Variants in GRAMD1B observed in about 807,000 individuals in gnomAD.
GRAMD1B encodes the protein protein Aster-B.
Under a neutral mutation model 99.7 loss-of-function variants are expected in GRAMD1B, and 37 were observed. That is an observed-to-expected ratio of 0.37 (90% CI 0.29 to 0.49). GRAMD1B has a LOEUF of 0.49. Ranked by LOEUF, GRAMD1B falls within the 20% of genes least tolerant of loss-of-function variation. The pLI, the probability that GRAMD1B is intolerant of heterozygous loss-of-function variation, is 0.98. For synonymous variants in GRAMD1B, 427 were observed against 387.6 expected (o/e 1.10, Z -1.19); for missense variants, 888 against 1,009.2 (o/e 0.88, Z 1.63).
chr11:123,445,909 T>G (rs1949622963), intron 1 of GRAMD1B, among the ~76,000 whole-genome samples: 1 of 152,112 alleles, frequency 6.6e-6, no homozygotes, highest in South Asian at 2.1e-4. Context: ...TATATCTTTT[T>G]ATGTTTTCAA....
At chr11:123,566,890 C>A (rs1947446723) in intron 2 of GRAMD1B, among the ~76,000 whole-genome samples, 1 of 152,188 alleles carries the variant, frequency 6.6e-6, no homozygotes, top group Non-Finnish European at 1.5e-5. Context: ...AGACGTGGCC[C>A]CAGCCCCCAT....
In GRAMD1B at chr11:123,479,387, A is replaced by G. The variant is rs1403730504; in HGVS notation, c.375-1429A>G. On this transcript the variant is annotated intron_variant, in intron 1 of 19. Coordinates refer to ENST00000635736, the MANE Select transcript of GRAMD1B (RefSeq NM_001387025.1). ...CACTGGAGCAAGCACTTGCTCGGCA[A>G]GATTGTCCAGTGTGCATTCTACTGG... Among the ~76,000 whole-genome samples, 7 of 152,330 alleles carry G rather than the reference A, an allele frequency of 4.6e-5. No individual in the cohort carries two copies. In the East Asian group the frequency reaches 9.6e-4, roughly 21 times the overall value.
rs537947496 is a variant in GRAMD1B at position 123,369,538 on chromosome 11, G to T, written c.-176+10739G>T. Among the ~76,000 whole-genome samples the T allele has an allele frequency of 4.6e-5, 7 of 152,130 alleles. No homozygotes were observed. In the East Asian group the frequency reaches 1.4e-3, roughly 29 times the overall value. On this transcript the variant is annotated intron_variant, in intron 1 of 20. Coordinates refer to the GRAMD1B transcript ENST00000638157. ...ATGGTCCGCCAAGCACTGGGGCTAG[G>T]TATTTTACATTTATCAATTTATTTA...
At chr11:123,603,121 A>T (rs549426964) in intron 8 of GRAMD1B, among the ~76,000 whole-genome samples, 1 of 152,314 alleles carries the variant, frequency 6.6e-6, no homozygotes, top group South Asian at 2.1e-4. Flanking sequence ...CCTTTTCCAT[A>T]AGAGCAAAAG....
chr11:123,488,386 G>A (rs1480313564), intron 2 of GRAMD1B, among the ~76,000 whole-genome samples: 7 of 152,260 alleles, frequency 4.6e-5, no homozygotes, highest in Non-Finnish European at 8.8e-5. Flanking sequence ...ACCTCCCCCC[G>A]GAGCTCTCCA....
At chr11:123,605,561 G>A in intron 10 of GRAMD1B, 83 bp downstream of exon 10, 1 of 1,117,706 alleles carries the variant, frequency 8.9e-7, no homozygotes, top group Non-Finnish European at 1.3e-6. Context: ...CCCAATCTGG[G>A]GAGCAGGTAG....
rs765394893 is a variant in GRAMD1B at position 123,577,442 on chromosome 11, G to T, written c.528G>T (p.Pro176=). The part of the protein sequence containing the change: ...ILRKRSRSPT[P]QNQDGDTMVE... ...GGAAGCGGTCTCGCTCGCCAACCCC[G>T]CAGAACCAGGACGGAGACACCATGG... The change falls in exon 3 of 20, where the codon CCG becomes CCT. Residue 176 remains proline (P), a synonymous_variant. Coordinates refer to ENST00000635736, the MANE Select transcript of GRAMD1B (RefSeq NM_001387025.1). The T allele has an allele frequency of 6.2e-7, 1 of 1,602,590 alleles. No homozygotes were observed. Among genetic ancestry groups the T allele is most frequent in the Non-Finnish European group, 8.5e-7 (1 of 1,174,890 alleles).
chr11:123,417,314 G>C (rs917555004), intron 1 of GRAMD1B, among the ~76,000 whole-genome samples: 1 of 152,128 alleles, frequency 6.6e-6, no homozygotes, highest in African/African-American at 2.4e-5. Context: ...CAGAGGTTGC[G>C]GTGAGCTGAG....
intron 2 of GRAMD1B, among the ~76,000 whole-genome samples, chr11:123,500,114 G>GGTCAGGA (rs1939708704): frequency 1.3e-5 from 2 of 152,092 alleles, no homozygotes; most frequent in South Asian, 4.1e-4. Context: ...GATCACTTGA[G>GGTCAGGA]GTTCGAGACT....
chr11:123,414,690 G>C (rs1711895458), intron 1 of GRAMD1B, among the ~76,000 whole-genome samples: 1 of 152,108 alleles, frequency 6.6e-6, no homozygotes, highest in South Asian at 2.1e-4. Flanking sequence ...CTCTACCCAT[G>C]AGAATGTTTG....
rs79077678 is a variant in GRAMD1B, at chr11:123,619,463, A to T, written c.2544+239A>T. On this transcript the variant is annotated intron_variant, in intron 19 of 19. Transcript: ENST00000635736. ...ATGACCCACTGAATTTGCACCAGGA[A>T]AGCTGTAGTTTAGGTGGAAGGAGAA... 3.5e-3 allele frequency: 4,594 copies of T among 1,309,846 alleles called. 135 individuals carry two copies. In the African/African-American group the frequency reaches 0.062, roughly 18 times the overall value. 81.1% of individuals were successfully genotyped at this position (1,309,846 alleles called of 1,614,324 possible).
chr11:123,475,776 A>G lies in GRAMD1B; in HGVS notation c.375-5040A>G, dbSNP rs192516602. On this transcript the variant is annotated intron_variant, in intron 1 of 19. Coordinates refer to ENST00000635736, the MANE Select transcript of GRAMD1B (RefSeq NM_001387025.1). Reference sequence around the variant, plus strand: ...GAATCCCAGAGTGGACGCAGACTGGATGTCTTCTCCCACTAAGGCCTTGAC... The same window carrying G: ...GAATCCCAGAGTGGACGCAGACTGGGTGTCTTCTCCCACTAAGGCCTTGAC... 3.7e-3 allele frequency among the ~76,000 whole-genome samples: 559 copies of G among 152,274 alleles called. 1 individual carries two copies. Among genetic ancestry groups the G allele is most frequent in the Middle Eastern group, 0.014 (4 of 294 alleles).
intron 2 of GRAMD1B, among the ~76,000 whole-genome samples, chr11:123,520,592 G>A (rs1025352174): frequency 9.9e-5 from 15 of 151,802 alleles, no homozygotes; most frequent in African/African-American, 2.2e-4. Flanking sequence ...GCAACACAGC[G>A]AAACCCCATC....
rs1591513986 is a variant in GRAMD1B, at chr11:123,431,109, G to T, written c.317G>T (p.Arg106Leu). ...STPSASPRRK[R>L]FLLRKWLRVR... is the part of the protein sequence containing the mutation. ...CCCAGCGCGTCCCCGCGCCGAAAAC[G>T]CTTCCTCCTCCGCAAGTGGCTGAGG... is the stretch of plus-strand genomic sequence containing the variant. The change falls in exon 1 of 20, where the codon CGC becomes CTC. Residue 106 changes from arginine (R) to leucine (L), a missense_variant. Around this residue, in one of 5 missense-constraint regions of GRAMD1B, gnomAD observed 233 missense variants for 154.6 expected, o/e 1.51. Coordinates refer to ENST00000635736, the MANE Select transcript of GRAMD1B (RefSeq NM_001387025.1). 4.3e-6 allele frequency: 3 copies of T among 702,944 alleles called. No individual in the cohort carries two copies. Among genetic ancestry groups the T allele is most frequent in the African/African-American group, 1.7e-5 (1 of 57,276 alleles). The allele number at this position is 702,944 out of a possible 1,614,324, so 43.5% of individuals were successfully genotyped here.
chr11:123,513,578 T>TTTCCTTCCTTCCTTCC (rs779709381), intron 2 of GRAMD1B, among the ~76,000 whole-genome samples: 1,782 of 41,600 alleles, frequency 0.043, 120 homozygotes, highest in East Asian at 0.094. Flanking sequence ...CCTTCCTTCC[T>TTTCCTTCCTTCCTTCC]TTCCTTCCTT....
intron 1 of GRAMD1B, among the ~76,000 whole-genome samples, chr11:123,393,211 G>A (rs986433600): frequency 2.6e-5 from 4 of 152,146 alleles, no homozygotes; most frequent in East Asian, 1.9e-4. Flanking sequence ...CCAATAACAC[G>A]CAGTTATTAG....
intron 1 of GRAMD1B, among the ~76,000 whole-genome samples, chr11:123,440,194 C>T (rs1738847295): frequency 6.6e-6 from 1 of 152,120 alleles, no homozygotes; most frequent in Non-Finnish European, 1.5e-5. Context: ...GAAGTGAGCA[C>T]AAGAAATCAT....
rs181639065 is a variant in GRAMD1B, at chr11:123,565,783, G to T, written c.453-11584G>T. The stretch of plus-strand genomic sequence containing the variant: ...CCAAACTACAGACTATTGTAGATCA[G>T]CTCAGCCAACACCCAGCCTGTGAAC... On this transcript the variant is annotated intron_variant, in intron 2 of 19. Transcript: ENST00000635736. 2.6e-5 allele frequency among the ~76,000 whole-genome samples: 4 copies of T among 152,296 alleles called. 1 individual carries two copies. The highest frequency in any genetic ancestry group is 1.3e-4 in the Admixed American group (2 of 15,304).
rs187322729 is a variant in GRAMD1B, at chr11:123,516,163, A to C, written c.452+35270A>C. Reference sequence around the variant, plus strand: ...AAACCCCATCATGGTACACGCCAGCACACAAGTGCCACTGGATCATCAAAG... The same window carrying C: ...AAACCCCATCATGGTACACGCCAGCCCACAAGTGCCACTGGATCATCAAAG... On this transcript the variant is annotated intron_variant, in intron 2 of 19. Coordinates refer to ENST00000635736, the MANE Select transcript of GRAMD1B (RefSeq NM_001387025.1). Among the ~76,000 whole-genome samples, 10 of 152,344 alleles carry C rather than the reference A, an allele frequency of 6.6e-5. No homozygotes were observed. The East Asian group carries it at 1.9e-3, about 29-fold the overall frequency.
Sources: gnomAD v4.1 joint callset for allele counts (sites outside exome capture counted in the v4.1 genomes callset) on GRCh38, gnomAD v4.1.1 for gene constraint, gnomAD v4.1.1 regional missense constraint, MANE v1.5 for transcripts, NCBI Gene and HGNC (gene_info 2026-07-23, HGNC 2026-07-21) for gene names.